The following MPND variants were observed in gnomAD, a reference collection of about 807,000 sequenced individuals.
The protein encoded by MPND is MPN domain-containing protein.
Under a neutral mutation model 59.2 loss-of-function variants are expected in MPND, and 56 were observed. The observed-to-expected ratio is 0.95, with a 90% CI of 0.76 to 1.18. MPND has a LOEUF of 1.18. Ranked by LOEUF, MPND falls within the 50% of genes most tolerant of loss-of-function variation. The pLI is 0.00. For missense variants in MPND, 671 were observed against 676.0 expected (o/e 0.99, Z 0.08); for synonymous variants, 323 against 291.9 (o/e 1.11, Z -1.09).
In MPND at chr19:4,359,897, C is replaced by G; in HGVS notation, c.1420-19C>G. Reference sequence around the variant, plus strand: ...TAGGACCCCCGGGCACAGCCTGAGGCCCAGCCCCCTCGTTTCAGATCTCCT... The same window carrying G: ...TAGGACCCCCGGGCACAGCCTGAGGGCCAGCCCCCTCGTTTCAGATCTCCT... On this transcript the variant is annotated intron_variant, in intron 12 of 12. Transcript: ENST00000599840. 6.5e-6 allele frequency: 10 copies of G among 1,549,716 alleles called. No homozygotes were observed. The highest frequency in any genetic ancestry group is 8.7e-6 in the Non-Finnish European group (10 of 1,145,716).
chr19:4,357,765 G>T (rs1972475839), intron 10 of MPND, 180 bp downstream of exon 10: 2 of 647,932 alleles, frequency 3.1e-6, no homozygotes, highest in Admixed American at 5.9e-5. Context: ...CTGGGCGTGG[G>T]GCCTCCGTTG....
At chr19:4,353,681 C>T (rs1019259909) in intron 4 of MPND, 4 of 217,300 alleles carry the variant, frequency 1.8e-5, no homozygotes, top group African/African-American at 9.2e-5. Flanking sequence ...CTCACCTCAG[C>T]CTCTTGAGTA....
chr19:4,356,201 G>C (rs180703564), intron 8 of MPND, among the ~76,000 whole-genome samples: 1 of 152,100 alleles, frequency 6.6e-6, no homozygotes, highest in East Asian at 1.9e-4. Flanking sequence ...AACCTCGCCA[G>C]CCCCCTCCCC....
rs1972520936 is a variant in MPND at position 4,359,256 on chromosome 19, G to A, written c.1419+1G>A. The A allele has an allele frequency of 6.2e-7, 1 of 1,612,198 alleles. No homozygotes were observed. Among genetic ancestry groups the A allele is most frequent in the African/African-American group, 1.3e-5 (1 of 74,802 alleles). On this transcript the variant is annotated splice_donor_variant, in intron 12 of 12. Transcript: ENST00000599840. LOFTEE classifies it high-confidence loss of function. ...GCACACCTACCTCGACAAGCTTAAG[G>A]TGAGCCCCAAGTCCCCGCAGACCTC...
intron 8 of MPND, among the ~76,000 whole-genome samples, chr19:4,355,932 C>T (rs1039863713): frequency 6.7e-5 from 10 of 148,814 alleles, no homozygotes; most frequent in African/African-American, 2.5e-4. Flanking sequence ...TGGCTCACTG[C>T]AACCTCCACC....
chr19:4,345,932 C>T lies in MPND; in HGVS notation c.482C>T (p.Thr161Ile). 6.2e-7 allele frequency: 1 copy of T among 1,613,500 alleles called. No homozygotes were observed. The change falls in exon 3 of 13, where the codon ACC becomes ATC. Residue 161 changes from threonine to isoleucine, a missense_variant. Thr to Ile is a moderately conservative substitution (Grantham distance 89). Coordinates refer to ENST00000599840, the MANE Select transcript of MPND (RefSeq NM_001300862.2). ...CAGAAACTGGACAAGTACAAGGCCA[C>T]CTGGCTCCGGCTGCACCAGCTGCAC... ...KGQKLDKYKA[T>I]WLRLHQLHTP... is the part of the protein sequence containing the mutation.
chr19:4,343,869 G>A lies in MPND; in HGVS notation c.169G>A (p.Gly57Arg). Residue 57 changes from glycine to arginine, a missense_variant, in exon 2 of 13, where the codon GGG becomes AGG. Transcript: ENST00000599840. ...SSVSGGGGGG[G>R]AGAGGCGGPG... is the part of the protein sequence containing the mutation. ...CGTCAGCGGAGGAGGCGGCGGCGGCGGGGCCGGGGCGGGGGGCTGCGGCGG... is the reference window on the plus strand; with the variant it reads ...CGTCAGCGGAGGAGGCGGCGGCGGCAGGGCCGGGGCGGGGGGCTGCGGCGG... 1 of 1,221,018 alleles carries A rather than the reference G, an allele frequency of 8.2e-7. No homozygotes were observed. The highest frequency in any genetic ancestry group is 1.0e-6 in the Non-Finnish European group (1 of 984,726). 75.6% of individuals were successfully genotyped at this position (1,221,018 alleles called of 1,614,324 possible).
intron 4 of MPND, among the ~76,000 whole-genome samples, chr19:4,353,648 A>G (rs1342091739): frequency 4.0e-5 from 6 of 151,788 alleles, no homozygotes; most frequent in Non-Finnish European, 5.9e-5. Flanking sequence ...TGCAGCCTCA[A>G]CCTCCTGGGT....
In MPND at chr19:4,359,808, G is replaced by A. The variant is rs535364264; in HGVS notation, c.1420-108G>A. ...CTGCGGGACCCCAGCCCTGTGCCTC[G>A]GTCTCAGGGGGGCTCAGTCAGGATG... is the stretch of plus-strand genomic sequence containing the variant. On this transcript the variant is annotated intron_variant, in intron 12 of 12. Coordinates refer to ENST00000599840, the MANE Select transcript of MPND (RefSeq NM_001300862.2). The A allele has an allele frequency of 2.4e-5, 20 of 827,516 alleles. 1 individual carries two copies. The highest frequency in any genetic ancestry group is 1.1e-4 in the South Asian group (6 of 56,900). 51.3% of individuals were successfully genotyped at this position (827,516 alleles called of 1,614,324 possible). A position where few individuals can be genotyped will look rare whatever the true frequency, so the allele number is the denominator to read the frequency against.
At position 4,358,191 on chromosome 19, in the gene MPND, G is replaced by T; in HGVS notation, c.1326+19G>T. 2 of 1,544,850 alleles carry T rather than the reference G, an allele frequency of 1.3e-6. No individual in the cohort carries two copies. Among genetic ancestry groups the T allele is most frequent in the South Asian group, 1.2e-5 (1 of 83,972 alleles). On this transcript the variant is annotated intron_variant, in intron 11 of 12. Transcript: ENST00000599840. ...CGAGATGGTGAGCTCGCTGCGGGGC[G>T]GGCAGGCAGGGGCTGGCAGTGCGCA...
intron 10 of MPND, chr19:4,357,840 C>T: frequency 1.6e-6 from 1 of 607,436 alleles, no homozygotes; most frequent in Non-Finnish European, 2.9e-6. Context: ...ATTCCCCAAT[C>T]CTGCCCTGAA....
intron 8 of MPND, 23 bp from the exon 9 acceptor site, chr19:4,357,230 C>A: frequency 6.4e-7 from 1 of 1,563,492 alleles, no homozygotes; most frequent in South Asian, 1.2e-5. Context: ...CCTGTGCCCG[C>A]TGAGCTGCGC....
intron 3 of MPND, among the ~76,000 whole-genome samples, chr19:4,349,392 G>A (rs1972263346): frequency 6.6e-6 from 1 of 152,152 alleles, no homozygotes; most frequent in African/African-American, 2.4e-5. Context: ...CCTTTGCCTT[G>A]GTGGGAACTG....
Position 4,352,923 on chromosome 19 carries a change from G to C in MPND, c.558G>C (p.Glu186Asp). The C allele has an allele frequency of 7.1e-7, 1 of 1,400,770 alleles. No individual in the cohort carries two copies. 86.8% of individuals were successfully genotyped at this position (1,400,770 alleles called of 1,614,324 possible). The change falls in exon 4 of 13, where the codon GAG becomes GAC. Residue 186 changes from glutamate (E) to aspartate (D), a missense_variant. Physicochemically the swap from Glu to Asp is conservative, Grantham distance 45. Coordinates refer to ENST00000599840, the MANE Select transcript of MPND (RefSeq NM_001300862.2). Reference sequence around the variant, plus strand: ...GCCCAGCCAGTGAAGGGGAGGAGGAGGAGTTGCTGATGGAAGAGGAGGAGG... The same window carrying C: ...GCCCAGCCAGTGAAGGGGAGGAGGACGAGTTGCTGATGGAAGAGGAGGAGG... ...DESPASEGEE[E>D]ELLMEEEEED...
intron 2 of MPND, among the ~76,000 whole-genome samples, chr19:4,345,351 A>G (rs1972163297): frequency 6.6e-6 from 1 of 152,088 alleles, no homozygotes; most frequent in Non-Finnish European, 1.5e-5. Context: ...CCAGCCCTGT[A>G]TTATTACTAT....
At chr19:4,355,916 C>T (rs984955021) in intron 8 of MPND, among the ~76,000 whole-genome samples, 13 of 148,242 alleles carry the variant, frequency 8.8e-5, no homozygotes, top group South Asian at 2.1e-4. Flanking sequence ...GTGCAGGGCG[C>T]GATCTTGGCT....
At chr19:4,354,493 G>C in intron 6 of MPND, 73 bp downstream of exon 6, 2 of 1,214,850 alleles carry the variant, frequency 1.6e-6, no homozygotes, top group South Asian at 1.3e-5. Context: ...GGGCTCCCCT[G>C]CGTATCAGCT....
Position 4,345,955 on chromosome 19 carries a change from C to T in MPND, c.505C>T (p.His169Tyr). ...KATWLRLHQL[H>Y]TPATAADESP... ...CACCTGGCTCCGGCTGCACCAGCTG[C>T]ACACGCCTGCCACGGCTGCTGATGA... Residue 169 changes from histidine (H) to tyrosine (Y), a missense_variant, in exon 3 of 13, where the codon CAC becomes TAC. Coordinates refer to ENST00000599840, the MANE Select transcript of MPND (RefSeq NM_001300862.2). 6.2e-7 allele frequency: 1 copy of T among 1,612,550 alleles called. No homozygotes were observed. The highest frequency in any genetic ancestry group is 1.1e-5 in the South Asian group (1 of 91,056).
chr19:4,351,818 T>C (rs567144765), intron 3 of MPND, among the ~76,000 whole-genome samples: 9 of 136,370 alleles, frequency 6.6e-5, no homozygotes, highest in East Asian at 4.2e-4. Flanking sequence ...GCCGAGATCA[T>C]GCCACTGCAC....
Sources: gnomAD v4.1 joint callset for allele counts (sites outside exome capture counted in the v4.1 genomes callset) on GRCh38, gnomAD v4.1.1 for gene constraint, MANE v1.5 for transcripts, NCBI Gene and HGNC (gene_info 2026-07-23, HGNC 2026-07-21) for gene names.